ASTN2: variants seen among roughly 807,000 people sequenced by gnomAD.
ASTN2 encodes astrotactin-2.
A neutral mutation model predicts 139.8 loss-of-function variants in ASTN2; 54 were observed. The observed-to-expected ratio is 0.39, with a 90% confidence interval of 0.31 to 0.48. The LOEUF is 0.48. ASTN2 is among the 20% of genes least tolerant of loss of function. ASTN2 has a pLI of 0.95. For synonymous variants in ASTN2, 756 were observed against 719.5 expected, an observed-to-expected ratio of 1.05 and a Z score of -0.81; for missense variants, 1,565 against 1,725.1, an observed-to-expected ratio of 0.91 and a Z score of 1.64.
chr9:116,728,163 G>T (rs59089833), intron 15 of ASTN2, among the ~76,000 whole-genome samples: 384 of 152,102 alleles, frequency 2.5e-3, no homozygotes, highest in African/African-American at 8.3e-3. Flanking sequence ...CATCATACAT[G>T]AGCACCAACA....
intron 12 of ASTN2, among the ~76,000 whole-genome samples, chr9:116,814,728 T>C (rs1195895078): frequency 2.0e-5 from 3 of 152,190 alleles, no homozygotes; most frequent in African/African-American, 7.2e-5. Context: ...TGGGAACCTG[T>C]AAGAGGCAGT....
chr9:116,942,365 G>A (rs1835265814), intron 10 of ASTN2, among the ~76,000 whole-genome samples: 1 of 152,086 alleles, frequency 6.6e-6, no homozygotes, highest in Admixed American at 6.5e-5. Flanking sequence ...TCTCTTCTCT[G>A]ATGCCTGGCC....
intron 10 of ASTN2, among the ~76,000 whole-genome samples, chr9:116,972,652 G>A (rs1439648817): frequency 6.6e-6 from 1 of 152,052 alleles, no homozygotes; most frequent in African/African-American, 2.4e-5. Context: ...CCTAACATTT[G>A]TTATCATTAG....
chr9:117,145,444 C>A (rs1461877604), intron 3 of ASTN2, among the ~76,000 whole-genome samples: 5 of 152,192 alleles, frequency 3.3e-5, no homozygotes, highest in Non-Finnish European at 7.3e-5. Context: ...GGGTTTGGCC[C>A]GTGGGATGCC....
intron 6 of ASTN2, among the ~76,000 whole-genome samples, chr9:117,032,152 G>C (rs1055311507): frequency 6.6e-6 from 1 of 152,110 alleles, no homozygotes; most frequent in Non-Finnish European, 1.5e-5. Context: ...GTTCATGAGA[G>C]GTGATATTAT....
chr9:116,440,307 C>T (rs1588059998), intron 22 of ASTN2, among the ~76,000 whole-genome samples: 1 of 152,198 alleles, frequency 6.6e-6, no homozygotes, highest in East Asian at 1.9e-4. Context: ...AGGATACAGG[C>T]CTTCAAAGAG....
chr9:117,270,776 C>A (rs1587896800), intron 2 of ASTN2, among the ~76,000 whole-genome samples: 1 of 152,272 alleles, frequency 6.6e-6, no homozygotes, highest in Non-Finnish European at 1.5e-5. Flanking sequence ...TGGATATTTT[C>A]TTGAATCTGC....
chr9:117,346,916 T>C (rs149873622), intron 1 of ASTN2, among the ~76,000 whole-genome samples: 2 of 152,264 alleles, frequency 1.3e-5, no homozygotes, highest in African/African-American at 4.8e-5. Context: ...GGAATACACA[T>C]AAAGAAATAA....
chr9:116,578,954 C>CTTA (rs1017246868), intron 19 of ASTN2: 3 of 151,976 alleles, frequency 2.0e-5, no homozygotes, highest in Non-Finnish European at 1.5e-5. Context: ...AAATTCCGCA[C>CTTA]TTAGAGGAAG....
chr9:116,756,281 T>C (rs62574256), intron 13 of ASTN2, among the ~76,000 whole-genome samples: 1,566 of 152,300 alleles, frequency 0.01, 12 homozygotes, highest in South Asian at 0.034. Flanking sequence ...GGCTCAAACT[T>C]AGTCTTAACA....
At chr9:116,948,785 G>GT (rs58832163) in intron 10 of ASTN2, among the ~76,000 whole-genome samples, 1,010 of 49,430 alleles carry the variant, frequency 0.02, 243 homozygotes, top group African/African-American at 0.075. Flanking sequence ...ATAATTTGGT[G>GT]TTTTTTTTTT....
chr9:116,688,558 ATCT>A (rs370191610), intron 16 of ASTN2, among the ~76,000 whole-genome samples: 7 of 152,160 alleles, frequency 4.6e-5, no homozygotes, highest in African/African-American at 1.4e-4. Flanking sequence ...GAAGGGCAGA[ATCT>A]TCTTCATTTA....
At chr9:116,450,241 A>G (rs1322892908) in intron 20 of ASTN2, among the ~76,000 whole-genome samples, 1 of 152,172 alleles carries the variant, frequency 6.6e-6, no homozygotes, top group Non-Finnish European at 1.5e-5. Flanking sequence ...TCACACTACA[A>G]TGGCAGAATC....
chr9:117,308,623 T>C (rs1006734814), intron 1 of ASTN2, among the ~76,000 whole-genome samples: 1 of 152,034 alleles, frequency 6.6e-6, no homozygotes, highest in Admixed American at 6.6e-5. Context: ...TCCAGGCTGA[T>C]CAAGGAACAG....
chr9:116,782,011 C>A (rs895376141), intron 13 of ASTN2, among the ~76,000 whole-genome samples: 23 of 152,166 alleles, frequency 1.5e-4, no homozygotes, highest in African/African-American at 5.3e-4. Flanking sequence ...CTCCAAAACC[C>A]ATACTCTTTC....
intron 11 of ASTN2, among the ~76,000 whole-genome samples, chr9:116,855,177 T>C (rs1293878414): frequency 1.3e-5 from 2 of 152,126 alleles, no homozygotes; most frequent in Non-Finnish European, 2.9e-5. Context: ...AAAAAAATAT[T>C]TAATGTCATA....
intron 2 of ASTN2, among the ~76,000 whole-genome samples, chr9:117,254,688 TTAAC>T (rs1833636120): frequency 6.6e-6 from 1 of 152,216 alleles, no homozygotes; most frequent in African/African-American, 2.4e-5. Context: ...ATGTATGTAA[TTAAC>T]TAAAATTTTT....
chr9:116,772,003 A>T (rs568594411), intron 13 of ASTN2, among the ~76,000 whole-genome samples: 5 of 152,220 alleles, frequency 3.3e-5, no homozygotes, highest in Admixed American at 6.5e-5. Flanking sequence ...TAGCTCCAGG[A>T]TCCATCCTGA....
At chr9:116,656,614 G>C (rs909581613) in intron 16 of ASTN2, among the ~76,000 whole-genome samples, 8 of 147,600 alleles carry the variant, frequency 5.4e-5, no homozygotes, top group African/African-American at 1.5e-4. Flanking sequence ...CCATTCATTT[G>C]AGAACCTGCC....
Sources: gnomAD v4.1 joint callset for allele counts (sites outside exome capture counted in the v4.1 genomes callset) on GRCh38, gnomAD v4.1.1 for gene constraint, MANE v1.5 for transcripts, NCBI Gene and HGNC (gene_info 2026-07-23, HGNC 2026-07-21) for gene names.